PNLIPRP3: variants seen among roughly 807,000 people sequenced by gnomAD.
PNLIPRP3 encodes the protein pancreatic lipase related protein 3.
A neutral mutation model predicts 52.8 loss-of-function variants in PNLIPRP3; 58 were observed. The ratio of observed to expected loss-of-function variants is 1.10; its 90% CI spans 0.89 to 1.37. The LOEUF (loss-of-function observed/expected upper bound fraction) is 1.37, where lower values mean the gene tolerates loss of function less well. Ranked by LOEUF, PNLIPRP3 falls within the 40% of genes most tolerant of loss-of-function variation. PNLIPRP3 has a pLI of 0.00. For missense variants in PNLIPRP3, 593 were observed against 561.6 expected, an observed-to-expected ratio of 1.06 and a Z score of -0.57; for synonymous variants, 192 against 185.0, an observed-to-expected ratio of 1.04 and a Z score of -0.31.
intron 2 of PNLIPRP3, chr10:116,439,985 G>A (rs1177170392): frequency 6.3e-6 from 5 of 789,680 alleles, no homozygotes; most frequent in Admixed American, 3.4e-5. Context: ...CTGCACGTCT[G>A]CACGAAGAAG....
In PNLIPRP3 at chr10:116,439,484, C is replaced by T. The variant is rs80163012; in HGVS notation, c.204+2619C>T. ...ATTCCTCCTCCTCCTCCTATTCTTC[C>T]TCCCCGTCTTCTTCATCCTCCTCTT... On this transcript the variant is annotated intron_variant, in intron 2 of 11. Transcript: ENST00000369230. 863 of 718,086 alleles carry T rather than the reference C, an allele frequency of 1.2e-3. 5 individuals carry two copies. The African/African-American group carries it at 0.014, about 12-fold the overall frequency. The allele number at this position is 718,086 out of a possible 1,614,324, so 44.5% of individuals were successfully genotyped here. A position where few individuals can be genotyped will look rare whatever the true frequency, so the allele number is the denominator to read the frequency against.
chr10:116,455,583 C>T (rs1589984054), intron 4 of PNLIPRP3, 139 bp from the exon 5 acceptor site: 1 of 639,848 alleles, frequency 1.6e-6, no homozygotes, highest in East Asian at 2.7e-5. Context: ...AGAGGTGTCA[C>T]TTTGTGACTT....
intron 1 of PNLIPRP3, among the ~76,000 whole-genome samples, chr10:116,432,506 G>A (rs1452622932): frequency 2.0e-5 from 3 of 152,148 alleles, no homozygotes; most frequent in African/African-American, 7.2e-5. Context: ...GGTGAAGAAA[G>A]CATTTAAGTA....
intron 7 of PNLIPRP3, among the ~76,000 whole-genome samples, chr10:116,462,307 A>C (rs1016490771): frequency 2.7e-5 from 4 of 149,200 alleles, no homozygotes; most frequent in Non-Finnish European, 5.9e-5. Context: ...ATTACCCATA[A>C]TATATAATAA....
chr10:116,449,065 C>T (rs1253219057), intron 4 of PNLIPRP3, among the ~76,000 whole-genome samples: 11 of 151,652 alleles, frequency 7.3e-5, no homozygotes, highest in African/African-American at 2.7e-4. Flanking sequence ...TGGTAACATG[C>T]ACCCGTAGTC....
chr10:116,471,818 G>A lies in PNLIPRP3; in HGVS notation c.1111G>A (p.Gly371Arg), dbSNP rs781060070. 4 of 1,612,090 alleles carry A rather than the reference G, an allele frequency of 2.5e-6. No individual in the cohort carries two copies. In the Admixed American group the frequency reaches 6.7e-5, roughly 27 times the overall value. ...VKLSGSEVTQ[G>R]TVFLRVGGAV... is the part of the protein sequence containing the mutation. ...ACTCAGTGGAAGCGAAGTCACTCAAGGAACTGTCTTTCTTCGTGTAGGCGG... is the reference window on the plus strand; with the variant it reads ...ACTCAGTGGAAGCGAAGTCACTCAAAGAACTGTCTTTCTTCGTGTAGGCGG... Residue 371 changes from glycine to arginine, a missense_variant, in exon 10 of 12, where the codon GGA becomes AGA. Physicochemically the swap from Gly to Arg is moderately radical, Grantham distance 125. Transcript: ENST00000369230.
At chr10:116,428,750 TA>T (rs1845670783) in intron 1 of PNLIPRP3, among the ~76,000 whole-genome samples, 1 of 152,160 alleles carries the variant, frequency 6.6e-6, no homozygotes, top group Non-Finnish European at 1.5e-5. Context: ...ACATTAAAAT[TA>T]GTTGATTTAT....
intron 4 of PNLIPRP3, among the ~76,000 whole-genome samples, chr10:116,446,447 G>T (rs1845953460): frequency 6.6e-6 from 1 of 151,572 alleles, no homozygotes; most frequent in South Asian, 2.1e-4. Context: ...ATATGTAAAT[G>T]AGAGAGAAAA....
chr10:116,470,265 T>C (rs1846346925), intron 9 of PNLIPRP3, among the ~76,000 whole-genome samples: 1 of 152,118 alleles, frequency 6.6e-6, no homozygotes, highest in South Asian at 2.1e-4. Context: ...AATGGATGTG[T>C]TCTACAGATA....
At chr10:116,436,261 G>T (rs919073253) in intron 1 of PNLIPRP3, among the ~76,000 whole-genome samples, 1 of 86,054 alleles carries the variant, frequency 1.2e-5, no homozygotes, top group Non-Finnish European at 3.3e-5. Flanking sequence ...TGATAGGTTT[G>T]TTCAACAAAT....
At chr10:116,432,965 T>G (rs1187690766) in intron 1 of PNLIPRP3, among the ~76,000 whole-genome samples, 2 of 150,838 alleles carry the variant, frequency 1.3e-5, no homozygotes, top group African/African-American at 4.9e-5. Context: ...ATACAAAAAA[T>G]TAGCCAGGTG....
At chr10:116,428,117 A>T (rs899336395) in intron 1 of PNLIPRP3, 56 bp downstream of exon 1, 2 of 1,216,324 alleles carry the variant, frequency 1.6e-6, no homozygotes, top group Non-Finnish European at 2.4e-6. Context: ...ACTTACATCT[A>T]AAATGTAATT....
At chr10:116,454,347 T>G (rs1846081804) in intron 4 of PNLIPRP3, among the ~76,000 whole-genome samples, 1 of 152,194 alleles carries the variant, frequency 6.6e-6, no homozygotes, top group Non-Finnish European at 1.5e-5. Flanking sequence ...CTCGAACTCC[T>G]GACCTCGTGA....
Position 116,466,122 on chromosome 10 carries a change from A to G in PNLIPRP3, c.881A>G (p.Asp294Gly). The change falls in exon 8 of 12, where the codon GAT (aspartate) becomes GGT (glycine). Residue 294 changes from aspartate (D) to glycine (G), a missense_variant. Physicochemically the swap from Asp to Gly is moderately conservative, Grantham distance 94. Coordinates refer to ENST00000369230, the MANE Select transcript of PNLIPRP3 (RefSeq NM_001011709.3). Reference sequence around the variant, plus strand: ...TATGCTGAAAGCATTCTTAATCCTGATGCATTTATTGCTTATCCTTGTAGA... The same window carrying G: ...TATGCTGAAAGCATTCTTAATCCTGGTGCATTTATTGCTTATCCTTGTAGA... ...QFYAESILNP[D>G]AFIAYPCRSY... The G allele has an allele frequency of 6.2e-7, 1 of 1,613,488 alleles. No individual in the cohort carries two copies. Among genetic ancestry groups the G allele is most frequent in the Non-Finnish European group, 8.5e-7 (1 of 1,179,622 alleles).
At chr10:116,434,879 A>G (rs1845753469) in intron 1 of PNLIPRP3, among the ~76,000 whole-genome samples, 1 of 152,216 alleles carries the variant, frequency 6.6e-6, no homozygotes, top group Non-Finnish European at 1.5e-5. Flanking sequence ...ATAGGAATAT[A>G]TTGAAGAAGG....
intron 4 of PNLIPRP3, 144 bp from the exon 5 acceptor site, chr10:116,455,578 T>C (rs1403327226): frequency 1.6e-6 from 1 of 623,018 alleles, no homozygotes; most frequent in East Asian, 2.8e-5. Flanking sequence ...TAGGCAGAGG[T>C]GTCACTTTGT....
chr10:116,449,516 G>T (rs949662368), intron 4 of PNLIPRP3, among the ~76,000 whole-genome samples: 1 of 152,016 alleles, frequency 6.6e-6, no homozygotes, highest in African/African-American at 2.4e-5. Flanking sequence ...AATGATAAAA[G>T]AATCAATTCA....
Position 116,477,063 on chromosome 10 carries a change from C to CA in PNLIPRP3, c.1341-27_1341-26insA, listed in dbSNP as rs773304321. The CA allele has an allele frequency of 5.3e-6, 7 of 1,312,340 alleles. No homozygotes were observed. In the African/African-American group the frequency reaches 6.1e-5, roughly 11 times the overall value. 81.3% of individuals were successfully genotyped at this position (1,312,340 alleles called of 1,614,324 possible). On this transcript the variant is annotated intron_variant, in intron 11 of 11. Coordinates refer to ENST00000369230, the MANE Select transcript of PNLIPRP3 (RefSeq NM_001011709.3). ...CTTCCCTGGCATCAGGTTAAAATTC[C>CA]TTTTTTTTTTCCTTAAAAACTTTCA...
At chr10:116,459,975 C>A (rs934605218) in intron 5 of PNLIPRP3, among the ~76,000 whole-genome samples, 3 of 152,162 alleles carry the variant, frequency 2.0e-5, no homozygotes, top group Admixed American at 2.0e-4. Flanking sequence ...ACCATCTTGG[C>A]CTGGCTGGTG....
Sources: allele counts gnomAD v4.1 joint callset (sites outside exome capture counted in the v4.1 genomes callset), GRCh38; gene constraint gnomAD v4.1.1; transcripts MANE v1.5; gene names NCBI Gene and HGNC (gene_info 2026-07-23, HGNC 2026-07-21).